The following LRRFIP2 variants were observed in gnomAD, a reference collection of about 807,000 sequenced individuals.
LRRFIP2 encodes LRR binding FLII interacting protein 2, also known as leucine-rich repeat flightless-interacting protein 2.
Under a neutral mutation model 125.9 loss-of-function variants are expected in LRRFIP2, and 109 were observed. The ratio of observed to expected loss-of-function variants is 0.87; its 90% CI spans 0.74 to 1.01. The LOEUF is 1.01. LRRFIP2 is among the 50% of genes least tolerant of loss of function. The pLI, the probability that LRRFIP2 is intolerant of heterozygous loss-of-function variation, is 0.00. For synonymous variants in LRRFIP2, 291 were observed against 293.1 expected (o/e 0.99, Z 0.07); for missense variants, 850 against 862.3 (o/e 0.99, Z 0.18).
intron 4 of LRRFIP2, among the ~76,000 whole-genome samples, chr3:37,123,452 G>T (rs896289423): frequency 2.6e-5 from 4 of 152,134 alleles, no homozygotes; most frequent in African/African-American, 9.7e-5. Context: ...GCCTTCCAAA[G>T]TGCTGGTATT....
intron 26 of LRRFIP2, among the ~76,000 whole-genome samples, chr3:37,054,723 T>C (rs2086308633): frequency 6.6e-6 from 1 of 152,254 alleles, no homozygotes; most frequent in South Asian, 2.1e-4. Flanking sequence ...AGAGTCATTT[T>C]AGGGCCAATT....
Position 37,065,954 on chromosome 3 carries a change from A to G in LRRFIP2, c.1567-12T>C, listed in dbSNP as rs779823277. On this transcript the variant is annotated splice_polypyrimidine_tract_variant and intron_variant, in intron 22 of 27. Transcript: ENST00000336686. ...ACTAAGCCATGTTTCTGCAGGGGGG[A>G]AAAACCCACCATCACAAAAGGCCCG... The G allele has an allele frequency of 1.9e-6, 3 of 1,613,930 alleles. No homozygotes were observed. Among genetic ancestry groups the G allele is most frequent in the Non-Finnish European group, 2.5e-6 (3 of 1,179,860 alleles).
At chr3:37,122,166 C>T (rs1160880342) in intron 4 of LRRFIP2, among the ~76,000 whole-genome samples, 5 of 147,984 alleles carry the variant, frequency 3.4e-5, no homozygotes, top group African/African-American at 1.0e-4. Context: ...GAACACGCGG[C>T]GTTTGGTTTT....
At chr3:37,149,642 C>CTACT (rs1467470755) in intron 1 of LRRFIP2, among the ~76,000 whole-genome samples, 1 of 152,178 alleles carries the variant, frequency 6.6e-6, no homozygotes, top group African/African-American at 2.4e-5. Context: ...AGAGGTTTTA[C>CTACT]TACTAAGCCT....
intron 21 of LRRFIP2, among the ~76,000 whole-genome samples, chr3:37,071,751 AT>A (rs1311198939): frequency 7.9e-5 from 12 of 152,086 alleles, no homozygotes; most frequent in African/African-American, 2.9e-4. Flanking sequence ...TACATGTTCT[AT>A]TTCCTCTGCC....
chr3:37,143,610 T>G (rs1383008641), intron 2 of LRRFIP2: 3 of 205,084 alleles, frequency 1.5e-5, no homozygotes, highest in African/African-American at 7.1e-5. Flanking sequence ...TTCAGAAGAT[T>G]AGTAAACAAA....
At chr3:37,121,014 A>G (rs1233256847) in intron 6 of LRRFIP2, among the ~76,000 whole-genome samples, 1 of 152,170 alleles carries the variant, frequency 6.6e-6, no homozygotes, top group African/African-American at 2.4e-5. Flanking sequence ...GTTAATCAAA[A>G]TGTCAAAGCA....
chr3:37,135,630 G>A (rs979079035), intron 2 of LRRFIP2, among the ~76,000 whole-genome samples: 2 of 151,836 alleles, frequency 1.3e-5, no homozygotes, highest in Non-Finnish European at 2.9e-5. Flanking sequence ...AATGAGCAAA[G>A]GATTTAAATA....
At chr3:37,075,953 C>CTT (rs1464138661) in intron 19 of LRRFIP2, among the ~76,000 whole-genome samples, 2 of 152,038 alleles carry the variant, frequency 1.3e-5, no homozygotes, top group Non-Finnish European at 2.9e-5. Context: ...GAAGGAAAGA[C>CTT]TTTTAAATTA....
At chr3:37,083,590 A>G in intron 19 of LRRFIP2, 46 bp downstream of exon 19, 1 of 1,380,908 alleles carries the variant, frequency 7.2e-7, no homozygotes, top group Non-Finnish European at 9.7e-7. Flanking sequence ...TGTAAGTGGC[A>G]GGCTTTTATT....
At chr3:37,143,746 G>C (rs1276134958) in intron 2 of LRRFIP2, 1 of 166,782 alleles carries the variant, frequency 6.0e-6, no homozygotes, top group East Asian at 1.8e-4. Flanking sequence ...ACCAGATCCT[G>C]GTCAGGCATT....
intron 11 of LRRFIP2, among the ~76,000 whole-genome samples, chr3:37,108,948 T>C (rs1022783590): frequency 3.3e-5 from 5 of 152,168 alleles, no homozygotes; most frequent in African/African-American, 7.2e-5. Context: ...AATTAACGTG[T>C]ACACATTTAT....
At chr3:37,128,191 G>A (rs1420180689) in intron 3 of LRRFIP2, among the ~76,000 whole-genome samples, 1 of 152,106 alleles carries the variant, frequency 6.6e-6, no homozygotes, top group Admixed American at 6.6e-5. Flanking sequence ...TGTTTTTCTT[G>A]AGCTGTGACA....
chr3:37,127,717 T>G (rs779327674), intron 3 of LRRFIP2, 37 bp from the exon 4 acceptor site: 5 of 1,522,236 alleles, frequency 3.3e-6, no homozygotes, highest in Non-Finnish European at 4.6e-6. Flanking sequence ...AAATAGTTTC[T>G]AACATATTGC....
chr3:37,072,140 T>C (rs1460891278), intron 21 of LRRFIP2, among the ~76,000 whole-genome samples: 1 of 152,176 alleles, frequency 6.6e-6, no homozygotes, highest in Non-Finnish European at 1.5e-5. Context: ...TCCAAATTCC[T>C]GTAACGTAAG....
chr3:37,130,026 G>T (rs2095387463), intron 2 of LRRFIP2, among the ~76,000 whole-genome samples: 1 of 152,102 alleles, frequency 6.6e-6, no homozygotes, highest in Admixed American at 6.6e-5. Flanking sequence ...CAATTCTGTG[G>T]TTTTTAGTAT....
At chr3:37,126,633 C>T (rs982438156) in intron 4 of LRRFIP2, among the ~76,000 whole-genome samples, 8 of 151,278 alleles carry the variant, frequency 5.3e-5, no homozygotes, top group African/African-American at 1.5e-4. Context: ...CCGAGGCGGG[C>T]GGATCACCTG....
intron 25 of LRRFIP2, among the ~76,000 whole-genome samples, chr3:37,056,348 A>G (rs192820399): frequency 1.7e-3 from 264 of 152,366 alleles, no homozygotes; most frequent in Non-Finnish European, 2.9e-3. Context: ...GATAAACCAA[A>G]TCTAACATAC....
At position 37,121,495 on chromosome 3, in the gene LRRFIP2, G is replaced by A; in HGVS notation, c.327C>T (p.His109=). Residue 109 remains histidine (H), a synonymous_variant, in exon 6 of 28, where the codon CAC becomes CAT. Transcript: ENST00000336686. ...GTAGACAAGTTAAAATACCAACCCT[G>A]TGACTGCCAACACTTCGAATGGACA... The part of the protein sequence containing the change: ...DALSIRSVGS[H]RYDMFKDRSS... 1 of 1,613,798 alleles carries A rather than the reference G, an allele frequency of 6.2e-7. No individual in the cohort carries two copies. The highest frequency in any genetic ancestry group is 8.5e-7 in the Non-Finnish European group (1 of 1,179,764).
Sources: gnomAD v4.1 joint callset for allele counts (sites outside exome capture counted in the v4.1 genomes callset) on GRCh38, gnomAD v4.1.1 for gene constraint, MANE v1.5 for transcripts, NCBI Gene and HGNC (gene_info 2026-07-23, HGNC 2026-07-21) for gene names.